FYCO1: variants seen among roughly 807,000 people sequenced by gnomAD.
FYCO1 encodes the protein FYVE and coiled-coil domain autophagy adaptor 1, also known as FYVE and coiled-coil domain-containing protein 1.
Under a neutral mutation model 165.1 loss-of-function variants are expected in FYCO1, and 122 were observed. That is an observed-to-expected ratio of 0.74 (90% CI 0.64 to 0.86). The LOEUF (loss-of-function observed/expected upper bound fraction) is 0.86. Ranked by LOEUF, FYCO1 falls within the 40% of genes least tolerant of loss-of-function variation. The pLI is 0.00. For missense variants in FYCO1, 1,702 were observed against 1,810.3 expected (o/e 0.94, Z 1.09); for synonymous variants, 648 against 742.5 (o/e 0.87, Z 2.07).
In FYCO1 at chr3:45,993,647, G is replaced by C. The variant is rs188432228; in HGVS notation, c.-113+2075C>G. 6.6e-6 allele frequency among the ~76,000 whole-genome samples: 1 copy of C among 152,256 alleles called. No homozygotes were observed. The highest frequency in any genetic ancestry group is 6.5e-5 in the Admixed American group (1 of 15,298). ...AGCAGATGTTGCCCTGACCATAATG[G>C]ACTCATCTGTGCTCACAAGTTGCCT... On this transcript the variant is annotated intron_variant, in intron 1 of 17. Transcript: ENST00000296137. This position sits in a 1 kb window ranked among gnomAD's most constrained non-coding sequence, Gnocchi z 4.4.
chr3:45,948,027 T>G (rs17078463), intron 14 of FYCO1: 1 of 170,370 alleles, frequency 5.9e-6, no homozygotes, highest in Admixed American at 6.2e-5. Flanking sequence ...TTTGTATAGG[T>G]AGATGTTCAG....
In FYCO1 at chr3:45,936,469, A is replaced by C; in HGVS notation, c.4019T>G (p.Leu1340Arg). The C allele has an allele frequency of 1.9e-6, 3 of 1,613,678 alleles. No individual in the cohort carries two copies. The highest frequency in any genetic ancestry group is 2.5e-6 in the Non-Finnish European group (3 of 1,179,544). ...MPVGQDSEIC[L>R]LKSGELMIKV... ...TTACATCAGTTCTCCAGACTTCAGC[A>C]GGCAGATTTCCGAATCCTGCCCCAC... is the stretch of plus-strand genomic sequence containing the variant. The change falls in exon 15 of 18, where the codon CTG becomes CGG. Residue 1340 changes from leucine (L) to arginine (R), a missense_variant. Physicochemically the swap from Leu to Arg is moderately radical, Grantham distance 102 (BLOSUM62 -2). Transcript: ENST00000296137.
intron 14 of FYCO1, chr3:45,947,275 G>T (rs1201262651): frequency 6.2e-7 from 1 of 1,614,088 alleles, no homozygotes; most frequent in Non-Finnish European, 8.5e-7. Flanking sequence ...GCCATGACCA[G>T]CTTTCACTAC....
chr3:45,962,366 G>T lies in FYCO1; in HGVS notation c.3296C>A (p.Thr1099Lys). The change falls in exon 11 of 18, where the codon ACA becomes AAA. Residue 1099 changes from threonine to lysine, a missense_variant. Transcript: ENST00000296137. The surrounding 1 kb of genome is among the most constrained non-coding windows in gnomAD (Gnocchi z 4.4). ...ERTQKELEKA[T>K]TKIQEYYNKL... ...GTTGTAATACTCTTGGATTTTTGTTGTGGCTTTTTCGAGTTCCTTCTGGGT... is the reference window on the plus strand; with the variant it reads ...GTTGTAATACTCTTGGATTTTTGTTTTGGCTTTTTCGAGTTCCTTCTGGGT... 6.2e-7 allele frequency: 1 copy of T among 1,614,156 alleles called. No homozygotes were observed.
rs1342888450 is a variant in FYCO1, at chr3:45,968,390, A to T, written c.944T>A (p.Leu315Gln). The part of the protein sequence containing the change: ...TQATQNTVKE[L>Q]QTCLQGLELG... ...CTCCAGGCCCTGCAGGCATGTCTGC[A>T]GCTCCTTCACAGTGTTCTGGGTGGC... is the stretch of plus-strand genomic sequence containing the variant. Residue 315 changes from leucine to glutamine, a missense_variant, in exon 8 of 18, where the codon CTG becomes CAG. Transcript: ENST00000296137. 2 of 1,613,692 alleles carry T rather than the reference A, an allele frequency of 1.2e-6. No individual in the cohort carries two copies. The highest frequency in any genetic ancestry group is 1.7e-6 in the Non-Finnish European group (2 of 1,179,898).
intron 14 of FYCO1, among the ~76,000 whole-genome samples, chr3:45,948,554 G>C (rs1704789280): frequency 6.6e-6 from 1 of 152,208 alleles, no homozygotes. Flanking sequence ...GGGCACATTT[G>C]TTTAACTTCC....
intron 12 of FYCO1, 106 bp downstream of exon 12, chr3:45,959,287 T>A: frequency 8.0e-7 from 1 of 1,244,914 alleles, no homozygotes; most frequent in South Asian, 1.2e-5. Flanking sequence ...TCCTAAATAG[T>A]CAGCCATGGT....
chr3:45,944,196 C>CTGTG (rs10562426), intron 14 of FYCO1, among the ~76,000 whole-genome samples: 8 of 150,048 alleles, frequency 5.3e-5, no homozygotes, highest in South Asian at 2.1e-4. Context: ...GCGTGTGTGT[C>CTGTG]TGTGTGTGTG....
chr3:45,938,135 TC>T, intron 14 of FYCO1: 1 of 1,005,078 alleles, frequency 9.9e-7, no homozygotes, highest in Non-Finnish European at 1.4e-6. Context: ...ATCTATAATT[TC>T]CTCTCTTCCT....
chr3:45,964,953 G>A lies in FYCO1; in HGVS notation c.3150+80C>T. On this transcript the variant is annotated intron_variant, in intron 9 of 17. Coordinates refer to ENST00000296137, the MANE Select transcript of FYCO1 (RefSeq NM_024513.4). The surrounding 1 kb of genome is among the most constrained non-coding windows in gnomAD (Gnocchi z 4.1). ...CTTCAGCTTGGGAATCTGGAGGCAT[G>A]CAGGGAGCCCTCTTAAATGGTCCAG... The A allele has an allele frequency of 8.9e-7, 1 of 1,123,588 alleles. No homozygotes were observed. Among genetic ancestry groups the A allele is most frequent in the South Asian group, 1.3e-5 (1 of 77,888 alleles). The allele number at this position is 1,123,588 out of a possible 1,614,324, so 69.6% of individuals were successfully genotyped here.
In FYCO1 at chr3:45,918,229, A is replaced by G. The variant is rs1421876523; in HGVS notation, c.*3536T>C. On this transcript the variant is annotated 3_prime_UTR_variant, in exon 18 of 18. Coordinates refer to ENST00000296137, the MANE Select transcript of FYCO1 (RefSeq NM_024513.4). ...GGCAGAGTGTCTCTGCATAACATAC[A>G]TCAAGCAGCCTTTTTCTTTTTTTAA... The G allele has an allele frequency of 1.3e-5, 2 of 152,640 alleles. No individual in the cohort carries two copies. Among genetic ancestry groups the G allele is most frequent in the Non-Finnish European group, 2.9e-5 (2 of 68,030 alleles). The allele number at this position is 152,640 out of a possible 1,614,324, so 9.5% of individuals were successfully genotyped here.
At position 45,966,554 on chromosome 3, in the gene FYCO1, G is replaced by A. The variant is rs1706029083; in HGVS notation, c.2780C>T (p.Ala927Val). The change falls in exon 8 of 18, where the codon GCC becomes GTC. Residue 927 changes from alanine to valine, a missense_variant. By Grantham distance (64) the Ala-to-Val change is moderately conservative. Coordinates refer to ENST00000296137, the MANE Select transcript of FYCO1 (RefSeq NM_024513.4). ...GTCCTGGAGCTCCTGGACAGCACAG[G>A]CCAGTGCCTCCTCCACTCGCTCCTT... Reference protein sequence around the residue: ...VEKERVEEALACAVQELQDAK... With the variant: ...VEKERVEEALVCAVQELQDAK... 1 of 1,614,200 alleles carries A rather than the reference G, an allele frequency of 6.2e-7. No individual in the cohort carries two copies. Among genetic ancestry groups the A allele is most frequent in the Non-Finnish European group, 8.5e-7 (1 of 1,180,046 alleles).
chr3:45,927,900 G>C (rs1444141790), intron 16 of FYCO1, among the ~76,000 whole-genome samples: 3 of 152,274 alleles, frequency 2.0e-5, no homozygotes, highest in African/African-American at 7.2e-5. Context: ...AGCTCCTTAA[G>C]GCAGGTCCCC....
chr3:45,940,776 G>A (rs538820385), intron 14 of FYCO1, among the ~76,000 whole-genome samples: 49 of 152,108 alleles, frequency 3.2e-4, no homozygotes, highest in Admixed American at 3.1e-3. Context: ...GCCTACTTCT[G>A]CCCCTCGGCC....
In FYCO1 at chr3:45,964,427, G is replaced by T. The variant is rs1171394241; in HGVS notation, c.3178C>A (p.Leu1060Met). Residue 1060 changes from leucine (L) to methionine (M), a missense_variant, in exon 10 of 18, where the codon CTG becomes ATG. Leu to Met is a conservative substitution (Grantham distance 15). Coordinates refer to ENST00000296137, the MANE Select transcript of FYCO1 (RefSeq NM_024513.4). This position sits in a 1 kb window ranked among gnomAD's most constrained non-coding sequence, Gnocchi z 4.1. ...GCAAGATGGTTGCTAGTGCAGCTCAGCTTCTCTCCCATGTCTGCTTGGGTG... is the reference window on the plus strand; with the variant it reads ...GCAAGATGGTTGCTAGTGCAGCTCATCTTCTCTCCCATGTCTGCTTGGGTG... ...KATQADMGEK[L>M]SCTSNHLAEC... 1 of 1,614,060 alleles carries T rather than the reference G, an allele frequency of 6.2e-7. No individual in the cohort carries two copies. Among genetic ancestry groups the T allele is most frequent in the Non-Finnish European group, 8.5e-7 (1 of 1,179,938 alleles).
chr3:45,944,525 GA>G (rs1157366995), intron 14 of FYCO1, among the ~76,000 whole-genome samples: 2 of 151,954 alleles, frequency 1.3e-5, no homozygotes, highest in African/African-American at 2.4e-5. Context: ...CAAAGTTGTA[GA>G]TTTTTTTTTT....
intron 14 of FYCO1, among the ~76,000 whole-genome samples, chr3:45,941,736 C>T (rs1465847610): frequency 1.3e-5 from 2 of 152,162 alleles, no homozygotes; most frequent in Non-Finnish European, 2.9e-5. Context: ...GCTTGTTTTT[C>T]CCCATGGAGT....
Position 45,968,697 on chromosome 3 carries a change from C to T in FYCO1, c.637G>A (p.Glu213Lys). Residue 213 changes from glutamate (E) to lysine (K), a missense_variant, in exon 8 of 18, where the codon GAG becomes AAG. Physicochemically the swap from Glu to Lys is moderately conservative, Grantham distance 56 (BLOSUM62 1). Transcript: ENST00000296137. Reference sequence around the variant, plus strand: ...TTCAGGTCAAAGTTGGACACCATCTCTTGAGTCTGGGAGGGAAAACACAAA... The same window carrying T: ...TTCAGGTCAAAGTTGGACACCATCTTTTGAGTCTGGGAGGGAAAACACAAA... ...SLVSSYLQTQ[E>K]MVSNFDLNSP... The T allele has an allele frequency of 6.2e-7, 1 of 1,614,188 alleles. No homozygotes were observed.
intron 14 of FYCO1, chr3:45,938,132 A>G (rs1559444610): frequency 4.0e-6 from 4 of 993,668 alleles, no homozygotes; most frequent in Non-Finnish European, 5.6e-6. Context: ...CTAATCTATA[A>G]TTTCCTCTCT....
Sources: gnomAD v4.1 joint callset for allele counts (sites outside exome capture counted in the v4.1 genomes callset) on GRCh38, gnomAD v4.1.1 for gene constraint, Gnocchi (gnomAD v3.1) non-coding constraint, MANE v1.5 for transcripts, NCBI Gene and HGNC (gene_info 2026-07-23, HGNC 2026-07-21) for gene names.